Variants in PRKCI observed in about 807,000 individuals in gnomAD.
The protein encoded by PRKCI is protein kinase C iota, also known as protein kinase C iota type.
Under a neutral mutation model 84.0 loss-of-function variants are expected in PRKCI, and 43 were observed. That is an observed-to-expected ratio of 0.51 (90% CI 0.40 to 0.66). PRKCI has a LOEUF of 0.66. Ranked by LOEUF, PRKCI falls within the 30% of genes least tolerant of loss-of-function variation. PRKCI has a pLI of 0.00. For synonymous variants in PRKCI, 216 were observed against 234.4 expected (o/e 0.92, Z 0.72); for missense variants, 459 against 745.6 (o/e 0.62, Z 4.48).
intron 2 of PRKCI, among the ~76,000 whole-genome samples, chr3:170,245,251 GC>G (rs1733244524): frequency 6.6e-6 from 1 of 152,114 alleles, no homozygotes; most frequent in African/African-American, 2.4e-5. Context: ...CTGATTTGTG[GC>G]TAATTTGAGG....
Position 170,298,987 on chromosome 3 carries a change from CT to C in PRKCI, c.1588-4del. 1 of 1,590,098 alleles carries C rather than the reference CT, an allele frequency of 6.3e-7. No homozygotes were observed. Among genetic ancestry groups the C allele is most frequent in the Non-Finnish European group, 8.6e-7 (1 of 1,159,640 alleles). ...AGACTTGAGCTGTCATCCAGTATGT[CT>C]TTTCAGATGGAGCAAAAACAGGTGG... On this transcript the variant is annotated splice_region_variant and splice_polypyrimidine_tract_variant and intron_variant, in intron 16 of 17. Coordinates refer to ENST00000295797, the MANE Select transcript of PRKCI (RefSeq NM_002740.6).
At chr3:170,293,014 C>T (rs951961004) in intron 13 of PRKCI, among the ~76,000 whole-genome samples, 1 of 147,346 alleles carries the variant, frequency 6.8e-6, no homozygotes, top group East Asian at 2.0e-4. Context: ...GCACTCCAGC[C>T]TGGGCGACAG....
chr3:170,267,902 ACT>A lies in PRKCI; in HGVS notation c.365-10_365-9del, dbSNP rs1238010620. 1.9e-6 allele frequency: 3 copies of A among 1,565,556 alleles called. No individual in the cohort carries two copies. The highest frequency in any genetic ancestry group is 2.4e-5 in the South Asian group (2 of 83,806). On this transcript the variant is annotated splice_polypyrimidine_tract_variant and intron_variant, in intron 4 of 17. Transcript: ENST00000295797. Reference sequence around the variant, plus strand: ...GCTCTTTTTTCTTTTTTTAACTATTACTCTGTCTTCAGAATCCATCTACCGTA... The same window carrying A: ...GCTCTTTTTTCTTTTTTTAACTATTACTGTCTTCAGAATCCATCTACCGTA...
chr3:170,301,878 C>G (rs190822611), intron 17 of PRKCI, among the ~76,000 whole-genome samples: 6 of 152,246 alleles, frequency 3.9e-5, no homozygotes, highest in Non-Finnish European at 8.8e-5. Flanking sequence ...AACATCTATC[C>G]TCTTGGCTAG....
chr3:170,252,163 G>A (rs1210759965), intron 2 of PRKCI, among the ~76,000 whole-genome samples: 4 of 151,348 alleles, frequency 2.6e-5, no homozygotes, highest in South Asian at 2.1e-4. Flanking sequence ...GCAGTGAGCC[G>A]AGATTGCGCC....
chr3:170,270,528 C>T lies in PRKCI; in HGVS notation c.558C>T (p.Val186=). ...LLVHKKCHKL[V]TIECGRHSLP... Reference sequence around the variant, plus strand: ...TTCATAAGAAGTGCCATAAACTCGTCACAATTGAATGTGGGCGGCATTCTT... The same window carrying T: ...TTCATAAGAAGTGCCATAAACTCGTTACAATTGAATGTGGGCGGCATTCTT... Residue 186 remains valine (V), a synonymous_variant, in exon 6 of 18, where the codon GTC becomes GTT. Transcript: ENST00000295797. 6.2e-7 allele frequency: 1 copy of T among 1,611,004 alleles called. No individual in the cohort carries two copies. The highest frequency in any genetic ancestry group is 8.5e-7 in the Non-Finnish European group (1 of 1,179,042).
rs565720517 is a variant in PRKCI, at chr3:170,305,287, T to G, written c.*2160T>G. On this transcript the variant is annotated 3_prime_UTR_variant, in exon 18 of 18. Coordinates refer to ENST00000295797, the MANE Select transcript of PRKCI (RefSeq NM_002740.6). Reference sequence around the variant, plus strand: ...TAGACTTCTTTTGGGGCCTTCGACCTCACTTTGAGAAATACCTTCTTCAGG... The same window carrying G: ...TAGACTTCTTTTGGGGCCTTCGACCGCACTTTGAGAAATACCTTCTTCAGG... The G allele has an allele frequency of 6.5e-6, 1 of 152,776 alleles. No homozygotes were observed. Among genetic ancestry groups the G allele is most frequent in the East Asian group, 1.9e-4 (1 of 5,196 alleles). 9.5% of individuals were successfully genotyped at this position (152,776 alleles called of 1,614,324 possible).
At chr3:170,234,347 T>G (rs1732888467) in intron 1 of PRKCI, among the ~76,000 whole-genome samples, 1 of 152,166 alleles carries the variant, frequency 6.6e-6, no homozygotes. Flanking sequence ...TTATACTTTT[T>G]AAGTATTACA....
rs745437507 is a variant in PRKCI at position 170,268,032 on chromosome 3, G to T, written c.450+32G>T. On this transcript the variant is annotated intron_variant, in intron 5 of 17. Coordinates refer to ENST00000295797, the MANE Select transcript of PRKCI (RefSeq NM_002740.6). ...ATAGTTTGTTGAATGTCGATAATGT[G>T]AAACAGCTATTTTTTCCCTTTCTAC... 2.0e-6 allele frequency: 3 copies of T among 1,533,782 alleles called. No individual in the cohort carries two copies. The Admixed American group carries it at 5.3e-5, about 27-fold the overall frequency.
At chr3:170,234,651 C>T (rs73034325) in intron 1 of PRKCI, among the ~76,000 whole-genome samples, 2,480 of 152,120 alleles carry the variant, frequency 0.016, 81 homozygotes, top group African/African-American at 0.057. Context: ...ATACTAGTAA[C>T]CTTGAGGGTT....
intron 3 of PRKCI, among the ~76,000 whole-genome samples, chr3:170,261,346 C>G (rs944626637): frequency 6.6e-6 from 1 of 151,346 alleles, no homozygotes; most frequent in Non-Finnish European, 1.5e-5. Flanking sequence ...TGAGACCAGA[C>G]TTAGGAATCT....
At position 170,270,576 on chromosome 3, in the gene PRKCI, CT is replaced by C. The variant is rs75266191; in HGVS notation, c.591+35del. ...CTTTGCCACAGGTAAGATGTCTGTCCTTTTTTTTTTTTTTTTTTTTAAGAGC... is the reference window on the plus strand; with the variant it reads ...CTTTGCCACAGGTAAGATGTCTGTCCTTTTTTTTTTTTTTTTTTTAAGAGC... On this transcript the variant is annotated intron_variant, in intron 6 of 17. Transcript: ENST00000295797. 231,953 of 1,279,782 alleles carry C rather than the reference CT, an allele frequency of 0.18. 14 individuals are homozygous for C. The highest frequency in any genetic ancestry group is 0.2 in the South Asian group (11,578 of 57,194). The allele number at this position is 1,279,782 out of a possible 1,614,324, so 79.3% of individuals were successfully genotyped here.
At chr3:170,266,526 T>C (rs1319099348) in intron 4 of PRKCI, among the ~76,000 whole-genome samples, 1 of 149,018 alleles carries the variant, frequency 6.7e-6, no homozygotes, top group African/African-American at 2.5e-5. Flanking sequence ...GGATATAATA[T>C]GAAACAACTA....
intron 9 of PRKCI, 101 bp downstream of exon 9, chr3:170,280,504 A>G: frequency 2.6e-6 from 3 of 1,143,468 alleles, no homozygotes; most frequent in Non-Finnish European, 3.6e-6. Context: ...CTGGAGTGCT[A>G]GTGGTGCAAT....
chr3:170,302,914 C>T (rs1331736907), intron 17 of PRKCI, 126 bp from the exon 18 acceptor site: 1 of 603,552 alleles, frequency 1.7e-6, no homozygotes, highest in East Asian at 3.3e-5. Flanking sequence ...GGGGATTAAT[C>T]TAAAAATTTA....
intron 7 of PRKCI, 88 bp from the exon 8 acceptor site, chr3:170,275,140 AT>A: frequency 7.2e-7 from 1 of 1,395,926 alleles, no homozygotes; most frequent in South Asian, 1.8e-5. Flanking sequence ...TCAGGAGACA[AT>A]TTTTATTTCA....
chr3:170,248,812 A>C (rs566082945), intron 2 of PRKCI, among the ~76,000 whole-genome samples: 2 of 152,106 alleles, frequency 1.3e-5, no homozygotes, highest in East Asian at 3.9e-4. Flanking sequence ...GATGTACAGC[A>C]AAAGTGAGAT....
At chr3:170,292,038 G>C in intron 13 of PRKCI, 97 bp downstream of exon 13, 1 of 839,760 alleles carries the variant, frequency 1.2e-6, no homozygotes, top group Non-Finnish European at 2.0e-6. Flanking sequence ...ATTTTGACGT[G>C]ATCTTATTAA....
At chr3:170,278,667 TAAATG>T (rs1243321052) in intron 8 of PRKCI, among the ~76,000 whole-genome samples, 1 of 152,066 alleles carries the variant, frequency 6.6e-6, no homozygotes, top group African/African-American at 2.4e-5. Flanking sequence ...AATAAATAAA[TAAATG>T]AAGGAAGGAA....
Sources: allele counts gnomAD v4.1 joint callset (sites outside exome capture counted in the v4.1 genomes callset), GRCh38; gene constraint gnomAD v4.1.1; transcripts MANE v1.5; gene names NCBI Gene and HGNC (gene_info 2026-07-23, HGNC 2026-07-21).